The following OR1L8 variants were observed in gnomAD, a reference collection of about 807,000 sequenced individuals.
OR1L8 encodes olfactory receptor family 1 subfamily L member 8, also known as olfactory receptor 1L8.
For missense variants in OR1L8, 330 were observed against 377.4 expected, an observed-to-expected ratio of 0.87 and a Z score of 1.04; for synonymous variants, 148 against 147.0, an observed-to-expected ratio of 1.01 and a Z score of -0.05.
At chr9:122,547,081 TA>T in the OR1L8 span, among the ~76,000 whole-genome samples, 3 of 151,088 alleles carry the variant, frequency 2.0e-5, no homozygotes, top group African/African-American at 7.3e-5. Context: ...ATAATTTTTT[TA>T]AAAAGAATAT....
At chr9:122,546,597 T>TA in the OR1L8 span, among the ~76,000 whole-genome samples, 9 of 152,228 alleles carry the variant, frequency 5.9e-5, no homozygotes, top group South Asian at 6.2e-4. Context: ...GGCTATTTGT[T>TA]AAAAAAATTA....
At chr9:122,570,419 T>C in intron 4 of OR1L8, among the ~76,000 whole-genome samples, 1 of 152,246 alleles carries the variant, frequency 6.6e-6, no homozygotes, top group East Asian at 1.9e-4. Flanking sequence ...TTCACATATT[T>C]TTAAATGTTG....
the OR1L8 span, among the ~76,000 whole-genome samples, chr9:122,550,488 A>T: frequency 6.6e-6 from 1 of 152,192 alleles, no homozygotes; most frequent in Non-Finnish European, 1.5e-5. Context: ...AATAGATGCA[A>T]AAATTCTCCA....
chr9:122,579,424 G>T (rs754387868), intron 1 of OR1L8, among the ~76,000 whole-genome samples: 6 of 151,982 alleles, frequency 3.9e-5, no homozygotes, highest in Non-Finnish European at 8.8e-5. Context: ...AGATAAAGTC[G>T]CTCTTTCTCT....
rs570337859 is a variant in OR1L8 at position 122,568,186 on chromosome 9, A to G, written c.292T>C (p.Cys98Arg). Residue 98 changes from cysteine (C) to arginine (R), a missense_variant, in exon 5 of 5, where the codon TGT (cysteine) becomes CGT (arginine). Physicochemically the swap from Cys to Arg is radical, Grantham distance 180. Coordinates refer to ENST00000641027, the MANE Select transcript of OR1L8 (RefSeq NM_001004454.2). Reference protein sequence around the residue: ...SEKKTISYAGCLTQMYFLYAL... With the variant: ...SEKKTISYAGRLTQMYFLYAL... ...TAGAGAAAATACATCTGTGTCAGAC[A>G]CCCAGCATAGGAGATGGTCTTCTTT... 2.8e-5 allele frequency: 45 copies of G among 1,614,218 alleles called. No individual in the cohort carries two copies. The African/African-American group carries it at 4.3e-4, about 15-fold the overall frequency.
the OR1L8 span, among the ~76,000 whole-genome samples, chr9:122,550,521 C>T: frequency 6.6e-6 from 1 of 150,404 alleles, no homozygotes; most frequent in Non-Finnish European, 1.5e-5. Context: ...AAACTGAATC[C>T]AACAGCACAT....
At chr9:122,577,363 C>G (rs1015484148) in intron 2 of OR1L8, among the ~76,000 whole-genome samples, 2 of 152,028 alleles carry the variant, frequency 1.3e-5, no homozygotes, top group Non-Finnish European at 2.9e-5. Context: ...TTTACTTAGC[C>G]AAAAGTTTTC....
chr9:122,571,007 C>T (rs1829537199), intron 4 of OR1L8, among the ~76,000 whole-genome samples: 1 of 152,112 alleles, frequency 6.6e-6, no homozygotes, highest in African/African-American at 2.4e-5. Context: ...AACCTTAAGC[C>T]TCTTCATATT....
At chr9:122,547,377 C>T in the OR1L8 span, among the ~76,000 whole-genome samples, 1 of 152,236 alleles carries the variant, frequency 6.6e-6, no homozygotes, top group South Asian at 2.1e-4. Context: ...TTGTTATATA[C>T]TGTTTATTTT....
At chr9:122,580,359 C>G (rs1459847178) in intron 1 of OR1L8, among the ~76,000 whole-genome samples, 1 of 152,178 alleles carries the variant, frequency 6.6e-6, no homozygotes, top group Non-Finnish European at 1.5e-5. Flanking sequence ...CAGGATGGCA[C>G]ACTAGAATGC....
intron 3 of OR1L8, among the ~76,000 whole-genome samples, chr9:122,574,854 G>A (rs981565527): frequency 5.3e-5 from 8 of 152,028 alleles, no homozygotes; most frequent in Non-Finnish European, 1.2e-4. Flanking sequence ...TTCTTATCAA[G>A]TTGAGGAATT....
At position 122,567,950 on chromosome 9, in the gene OR1L8, G is replaced by A. The variant is rs772412353; in HGVS notation, c.528C>T (p.His176=). 2 of 1,614,188 alleles carry A rather than the reference G, an allele frequency of 1.2e-6. No homozygotes were observed. Among genetic ancestry groups the A allele is most frequent in the Non-Finnish European group, 1.7e-6 (2 of 1,180,028 alleles). The change falls in exon 5 of 5, where the codon CAC becomes CAT. Residue 176 remains histidine (H), a synonymous_variant. Coordinates refer to ENST00000641027, the MANE Select transcript of OR1L8 (RefSeq NM_001004454.2). Reference sequence around the variant, plus strand: ...CAGGGCTGAGGTCACAGAGAAAGTGGTGGATAACATTGGAGTCACAGAAGG... The same window carrying A: ...CAGGGCTGAGGTCACAGAGAAAGTGATGGATAACATTGGAGTCACAGAAGG... ...RLTFCDSNVI[H]HFLCDLSPVL... is the part of the protein sequence containing the mutation.
rs775872532 is a variant in OR1L8 at position 122,568,514 on chromosome 9, T to C, written c.-37A>G. The C allele has an allele frequency of 1.6e-6, 2 of 1,220,878 alleles. No homozygotes were observed. The highest frequency in any genetic ancestry group is 2.9e-5 in the South Asian group (2 of 69,076). The allele number at this position is 1,220,878 out of a possible 1,614,324, so 75.6% of individuals were successfully genotyped here. A position where few individuals can be genotyped will look rare whatever the true frequency, so the allele number is the denominator to read the frequency against. On this transcript the variant is annotated 5_prime_UTR_variant, in exon 5 of 5. The change abolishes an upstream ATG in the 5' untranslated region. Transcript: ENST00000641027. ...CAGTTATAAACAAGAAGTTTTGTCA[T>C]TTAACATGCTCTGATTTCATAACAC...
At chr9:122,577,282 T>A (rs1829674376) in intron 2 of OR1L8, among the ~76,000 whole-genome samples, 1 of 152,182 alleles carries the variant, frequency 6.6e-6, no homozygotes, top group Admixed American at 6.6e-5. Context: ...GTTAAGCAAT[T>A]TAGAAAAGTC....
chr9:122,552,271 C>T, the OR1L8 span, among the ~76,000 whole-genome samples: 1,935 of 152,264 alleles, frequency 0.013, 20 homozygotes, highest in Non-Finnish European at 0.021. Flanking sequence ...GAAATGGTTT[C>T]TCCTACCAGC....
intron 1 of OR1L8, among the ~76,000 whole-genome samples, chr9:122,582,439 G>A (rs1231489063): frequency 6.6e-6 from 1 of 152,068 alleles, no homozygotes; most frequent in African/African-American, 2.4e-5. Flanking sequence ...AACAAGGCTC[G>A]GCGCAGTGGC....
the OR1L8 span, among the ~76,000 whole-genome samples, chr9:122,555,819 G>A: frequency 2.6e-5 from 4 of 152,194 alleles, no homozygotes; most frequent in South Asian, 4.2e-4. Flanking sequence ...ACAATCTCCC[G>A]AACTAATCCT....
chr9:122,563,949 A>G (rs1045441253), downstream of OR1L8, among the ~76,000 whole-genome samples: 3 of 152,132 alleles, frequency 2.0e-5, no homozygotes, highest in African/African-American at 4.8e-5. Flanking sequence ...TGGGTTGTCT[A>G]TTCTGTTTCA....
intron 3 of OR1L8, among the ~76,000 whole-genome samples, chr9:122,573,235 TAAC>T (rs1478587997): frequency 6.6e-6 from 1 of 152,160 alleles, no homozygotes; most frequent in African/African-American, 2.4e-5. Context: ...AGAATGGAAA[TAAC>T]AGTTAACAGA....
Sources: gnomAD v4.1 joint callset for allele counts (sites outside exome capture counted in the v4.1 genomes callset) on GRCh38, gnomAD v4.1.1 for gene constraint, MANE v1.5 for transcripts, NCBI Gene and HGNC (gene_info 2026-07-23, HGNC 2026-07-21) for gene names.